Variants in LPP observed in about 807,000 individuals in gnomAD.
The protein encoded by LPP is lipoma-preferred partner.
LPP carries 38 observed loss-of-function variants against 60.4 expected under a neutral mutation model. The observed-to-expected ratio is 0.63, with a 90% confidence interval of 0.49 to 0.83. The LOEUF is 0.83. LPP is among the 40% of genes least tolerant of loss of function. The pLI is 0.00. For synonymous variants in LPP, 328 were observed against 290.8 expected (o/e 1.13, Z -1.30); for missense variants, 902 against 783.6 (o/e 1.15, Z -1.80).
chr3:188,509,684 T>TC (rs1195410220), intron 5 of LPP, among the ~76,000 whole-genome samples: 233 of 2,676 alleles, frequency 0.087, 18 homozygotes, highest in Non-Finnish European at 0.26. Context: ...CTTCCTTCCT[T>TC]CCTCTCTCTC....
At chr3:188,771,268 G>T (rs1319892588) in intron 9 of LPP, among the ~76,000 whole-genome samples, 1 of 151,962 alleles carries the variant, frequency 6.6e-6, no homozygotes, top group Non-Finnish European at 1.5e-5. Flanking sequence ...GAAAAAAGAG[G>T]CCGGGCACAG....
chr3:188,254,034 A>G (rs1730824763), intron 2 of LPP, among the ~76,000 whole-genome samples: 1 of 152,056 alleles, frequency 6.6e-6, no homozygotes, highest in Non-Finnish European at 1.5e-5. Context: ...ACTGTGTCTT[A>G]ATTCACCTTT....
intron 4 of LPP, among the ~76,000 whole-genome samples, chr3:188,423,518 C>T (rs1788442406): frequency 6.6e-6 from 1 of 152,190 alleles, no homozygotes; most frequent in African/African-American, 2.4e-5. Context: ...GAGGAATCGC[C>T]ACACTCTCGT....
intron 9 of LPP, among the ~76,000 whole-genome samples, chr3:188,788,938 A>G (rs1467807965): frequency 6.6e-6 from 1 of 152,080 alleles, no homozygotes; most frequent in Non-Finnish European, 1.5e-5. Flanking sequence ...GTGTTGCATC[A>G]TCAGTCTTTG....
intron 6 of LPP, among the ~76,000 whole-genome samples, chr3:188,563,329 C>G (rs1831190262): frequency 6.6e-6 from 1 of 151,800 alleles, no homozygotes; most frequent in African/African-American, 2.4e-5. Context: ...CATAACAGCC[C>G]TCCCTCAGTA....
intron 4 of LPP, among the ~76,000 whole-genome samples, chr3:188,408,521 A>G (rs1784202969): frequency 6.6e-6 from 1 of 152,096 alleles, no homozygotes; most frequent in African/African-American, 2.4e-5. Flanking sequence ...CGTTTTTGTT[A>G]CCTGAAAATT....
chr3:188,635,193 T>C (rs1251841902), intron 7 of LPP, among the ~76,000 whole-genome samples: 2 of 152,208 alleles, frequency 1.3e-5, no homozygotes, highest in African/African-American at 2.4e-5. Flanking sequence ...GGAGAACGAT[T>C]AGATTTCTGA....
intron 9 of LPP, among the ~76,000 whole-genome samples, chr3:188,790,143 A>G (rs1013487463): frequency 6.6e-6 from 1 of 152,210 alleles, no homozygotes; most frequent in African/African-American, 2.4e-5. Flanking sequence ...TAAAAGGACT[A>G]GTAAAATAAA....
At chr3:188,286,214 C>T (rs1285069311) in intron 2 of LPP, among the ~76,000 whole-genome samples, 1 of 152,174 alleles carries the variant, frequency 6.6e-6, no homozygotes, top group African/African-American at 2.4e-5. Flanking sequence ...TCTGGAAACT[C>T]TCTGAGGTCT....
chr3:188,369,691 C>T (rs1033058694), intron 3 of LPP, among the ~76,000 whole-genome samples: 4 of 152,144 alleles, frequency 2.6e-5, no homozygotes, highest in Non-Finnish European at 5.9e-5. Context: ...ATTCTGACAG[C>T]AACTCTAGTG....
intron 7 of LPP, among the ~76,000 whole-genome samples, chr3:188,690,465 T>C (rs1257612822): frequency 6.6e-5 from 10 of 152,182 alleles, no homozygotes. Flanking sequence ...TTATTTGTGG[T>C]TTTACATCTA....
chr3:188,639,411 C>G (rs898229572), intron 7 of LPP, among the ~76,000 whole-genome samples: 2 of 151,660 alleles, frequency 1.3e-5, no homozygotes, highest in Non-Finnish European at 2.9e-5. Context: ...ACCATAAAAA[C>G]CCTAGAAGAA....
At chr3:188,710,580 A>G (rs1866433673) in intron 8 of LPP, 1 of 152,232 alleles carries the variant, frequency 6.6e-6, no homozygotes, top group Admixed American at 6.5e-5. Flanking sequence ...TTACATCAAA[A>G]TACACAAAAA....
chr3:188,655,833 G>C (rs9290874), intron 7 of LPP, among the ~76,000 whole-genome samples: 150,060 of 152,214 alleles, frequency 0.99, 73,997 homozygotes, highest in East Asian at 1. Context: ...ACCATATGCA[G>C]CTCTTACCAG....
At chr3:188,830,431 C>T (rs1327222154) in intron 9 of LPP, among the ~76,000 whole-genome samples, 2 of 151,730 alleles carry the variant, frequency 1.3e-5, no homozygotes, top group African/African-American at 4.8e-5. Flanking sequence ...GGTGAAACCT[C>T]GTCTCTACTA....
Position 188,659,871 on chromosome 3 carries a change from C to G in LPP, c.1114-48396C>G, listed in dbSNP as rs534671445. 1.5e-3 allele frequency among the ~76,000 whole-genome samples: 234 copies of G among 151,162 alleles called. 1 individual carries two copies. Among genetic ancestry groups the G allele is most frequent in the African/African-American group, 5.5e-3 (224 of 41,036 alleles). ...TAAGAATAGGAAACTATTTTGCAAT[C>G]TATATGCCCTCTGCTTGTAATTGTT... On this transcript the variant is annotated intron_variant, in intron 7 of 11. Coordinates refer to ENST00000617246, the MANE Select transcript of LPP (RefSeq NM_001375462.1).
At chr3:188,794,749 A>G (rs1744826889) in intron 9 of LPP, among the ~76,000 whole-genome samples, 1 of 151,970 alleles carries the variant, frequency 6.6e-6, no homozygotes, top group Admixed American at 6.6e-5. Flanking sequence ...TCTTTATTGG[A>G]CAAGAGCCAG....
intron 1 of LPP, among the ~76,000 whole-genome samples, chr3:188,202,537 A>G (rs11929279): frequency 0.021 from 3,159 of 152,288 alleles, 118 homozygotes; most frequent in African/African-American, 0.072. Flanking sequence ...GAGCTTTTAA[A>G]AAATTGCCAT....
At chr3:188,565,865 T>G (rs1454971232) in intron 6 of LPP, among the ~76,000 whole-genome samples, 1 of 151,928 alleles carries the variant, frequency 6.6e-6, no homozygotes, top group African/African-American at 2.4e-5. Flanking sequence ...AGCTCACAGA[T>G]TTTCACTTTG....
Sources: gnomAD v4.1 joint callset for allele counts (sites outside exome capture counted in the v4.1 genomes callset) on GRCh38, gnomAD v4.1.1 for gene constraint, MANE v1.5 for transcripts, NCBI Gene and HGNC (gene_info 2026-07-23, HGNC 2026-07-21) for gene names.